Variants in PBX3 observed in about 807,000 individuals in gnomAD.
PBX3 encodes pre-B-cell leukemia transcription factor 3.
Under a neutral mutation model 48.5 loss-of-function variants are expected in PBX3, and 14 were observed. The ratio of observed to expected loss-of-function variants is 0.29; its 90% confidence interval spans 0.19 to 0.45. The LOEUF (loss-of-function observed/expected upper bound fraction) is 0.45. Ranked by LOEUF, PBX3 falls within the 20% of genes least tolerant of loss-of-function variation. The pLI is 1.00. For synonymous variants in PBX3, 210 were observed against 200.3 expected (o/e 1.05, Z -0.41); for missense variants, 386 against 546.7 (o/e 0.71, Z 2.93).
intron 2 of PBX3, among the ~76,000 whole-genome samples, chr9:125,855,379 C>T (rs1188898898): frequency 6.6e-6 from 1 of 151,884 alleles, no homozygotes; most frequent in Non-Finnish European, 1.5e-5. Context: ...ATTTATAAAT[C>T]TAGTAACATA....
chr9:125,891,690 A>G (rs528004496), intron 2 of PBX3, among the ~76,000 whole-genome samples: 4 of 152,340 alleles, frequency 2.6e-5, no homozygotes, highest in Admixed American at 6.5e-5. Flanking sequence ...AAAAACATAT[A>G]CCAAATTTAG....
intron 2 of PBX3, among the ~76,000 whole-genome samples, chr9:125,763,048 T>C (rs1836710345): frequency 6.6e-6 from 1 of 152,240 alleles, no homozygotes; most frequent in Admixed American, 6.5e-5. Flanking sequence ...CCATTTATAT[T>C]GGAAGTATCT....
In PBX3 at chr9:125,949,278, A is replaced by G; in HGVS notation, c.844-11406A>G. 3.5e-6 allele frequency: 5 copies of G among 1,425,774 alleles called. No homozygotes were observed. The South Asian group carries it at 5.3e-5, about 15-fold the overall frequency. 88.3% of individuals were successfully genotyped at this position (1,425,774 alleles called of 1,614,324 possible). A position where few individuals can be genotyped will look rare whatever the true frequency, so the allele number is the denominator to read the frequency against. On this transcript the variant is annotated intron_variant, in intron 5 of 8. Coordinates refer to ENST00000373489, the MANE Select transcript of PBX3 (RefSeq NM_006195.6). Reference sequence around the variant, plus strand: ...AGGGGATTCAGGGGTTAATGAAATCATGTATGAAGAGTGCCTAGTACAGGG... The same window carrying G: ...AGGGGATTCAGGGGTTAATGAAATCGTGTATGAAGAGTGCCTAGTACAGGG...
chr9:125,881,541 A>G (rs1255502740), intron 2 of PBX3, among the ~76,000 whole-genome samples: 1 of 152,118 alleles, frequency 6.6e-6, no homozygotes, highest in Non-Finnish European at 1.5e-5. Flanking sequence ...ATACATTTCT[A>G]CCAGAATCAA....
chr9:125,902,555 A>G (rs1840972399), intron 2 of PBX3, among the ~76,000 whole-genome samples: 1 of 151,728 alleles, frequency 6.6e-6, no homozygotes, highest in Non-Finnish European at 1.5e-5. Flanking sequence ...TTGTAGTATC[A>G]CTAAATATGC....
At chr9:125,944,854 A>G (rs1842033421) in intron 5 of PBX3, among the ~76,000 whole-genome samples, 1 of 152,160 alleles carries the variant, frequency 6.6e-6, no homozygotes, top group Admixed American at 6.5e-5. Context: ...TCCCCAGTTT[A>G]TTAGCTCAGT....
chr9:125,797,587 A>T (rs1259418702), intron 2 of PBX3: 1 of 152,162 alleles, frequency 6.6e-6, no homozygotes, highest in African/African-American at 2.4e-5. Flanking sequence ...GTGTGATGTT[A>T]TGAGATACAT....
At chr9:125,748,117 G>C in intron 1 of PBX3, 1 of 463,912 alleles carries the variant, frequency 2.2e-6, no homozygotes, top group Non-Finnish European at 2.8e-6. Context: ...GGGTGCGGAC[G>C]GCCAAGTTCT....
rs998849068 is a variant in PBX3, at chr9:125,966,245, T to C, written c.*322T>C. ...TTCACAGTTGCCAATTACTTGGCCT[T>C]AAGGGTAAAAAGTACAATATACACT... On this transcript the variant is annotated 3_prime_UTR_variant, in exon 9 of 9. Coordinates refer to ENST00000373489, the MANE Select transcript of PBX3 (RefSeq NM_006195.6). The C allele has an allele frequency of 2.0e-5, 4 of 198,656 alleles. No homozygotes were observed. The highest frequency in any genetic ancestry group is 1.7e-4 in the Admixed American group (3 of 17,884). 12.3% of individuals were successfully genotyped at this position (198,656 alleles called of 1,614,324 possible).
chr9:125,769,949 T>C (rs1033391001), intron 2 of PBX3, among the ~76,000 whole-genome samples: 1 of 152,224 alleles, frequency 6.6e-6, no homozygotes, highest in African/African-American at 2.4e-5. Context: ...CTCAACTGGT[T>C]ATGTATAATT....
intron 2 of PBX3, among the ~76,000 whole-genome samples, chr9:125,863,119 A>C (rs1335769891): frequency 6.6e-6 from 1 of 151,300 alleles, no homozygotes; most frequent in Non-Finnish European, 1.5e-5. Context: ...GCTGGTCTTG[A>C]ACTCCTGGGT....
At chr9:125,922,486 G>C (rs1037932746) in intron 3 of PBX3, among the ~76,000 whole-genome samples, 1 of 152,080 alleles carries the variant, frequency 6.6e-6, no homozygotes, top group Non-Finnish European at 1.5e-5. Flanking sequence ...ATTAACCACA[G>C]TATATCTGTA....
chr9:125,961,916 TAGATGTGG>T, intron 6 of PBX3, among the ~76,000 whole-genome samples, 178 bp from the exon 7 acceptor site: 2 of 152,356 alleles, frequency 1.3e-5, no homozygotes, highest in Admixed American at 1.3e-4. Flanking sequence ...GGACTTCTCC[TAGATGTGG>T]AGTGACTCAC....
At position 125,967,347 on chromosome 9, in the gene PBX3, CAT is replaced by C. The variant is rs1335072883; in HGVS notation, c.*1425_*1426del. 6.6e-6 allele frequency: 1 copy of C among 152,634 alleles called. No individual in the cohort carries two copies. Among genetic ancestry groups the C allele is most frequent in the Non-Finnish European group, 1.5e-5 (1 of 68,038 alleles). The allele number at this position is 152,634 out of a possible 1,614,324, so 9.5% of individuals were successfully genotyped here. A position where few individuals can be genotyped will look rare whatever the true frequency, so the allele number is the denominator to read the frequency against. On this transcript the variant is annotated 3_prime_UTR_variant, in exon 9 of 9. Transcript: ENST00000373489. The stretch of plus-strand genomic sequence containing the variant: ...CGTGGTAGTTATATGTAGTTTCAAA[CAT>C]GAATAAACTTTTTGCTTTCATGATT...
At chr9:125,878,882 CCTT>C (rs1285298948) in intron 2 of PBX3, among the ~76,000 whole-genome samples, 16 of 152,098 alleles carry the variant, frequency 1.1e-4, no homozygotes, top group Admixed American at 3.3e-4. Flanking sequence ...GATATTTTCA[CCTT>C]CTTATGTAGG....
chr9:125,919,072 GA>G (rs1439116182), intron 3 of PBX3, among the ~76,000 whole-genome samples: 4 of 152,116 alleles, frequency 2.6e-5, no homozygotes, highest in African/African-American at 7.2e-5. Flanking sequence ...ATCAGTTTCT[GA>G]AAATGTCTTC....
intron 2 of PBX3, among the ~76,000 whole-genome samples, chr9:125,776,613 G>A (rs1837077297): frequency 6.6e-6 from 1 of 152,276 alleles, no homozygotes; most frequent in East Asian, 1.9e-4. Context: ...TTGGCTCACT[G>A]CAAACTCTGC....
At chr9:125,913,980 C>T (rs1226368227) in intron 2 of PBX3, among the ~76,000 whole-genome samples, 1 of 152,090 alleles carries the variant, frequency 6.6e-6, no homozygotes, top group African/African-American at 2.4e-5. Flanking sequence ...ATGTGAACTA[C>T]AAGCATGTAC....
intron 2 of PBX3, among the ~76,000 whole-genome samples, chr9:125,754,004 A>G (rs965125834): frequency 6.6e-6 from 1 of 152,106 alleles, no homozygotes; most frequent in Non-Finnish European, 1.5e-5. Context: ...GTGGGACTAT[A>G]AGAATTGAAA....
Sources: gnomAD v4.1 joint callset for allele counts (sites outside exome capture counted in the v4.1 genomes callset) on GRCh38, gnomAD v4.1.1 for gene constraint, MANE v1.5 for transcripts, NCBI Gene and HGNC (gene_info 2026-07-23, HGNC 2026-07-21) for gene names.